Variants in GAS7 observed in about 807,000 individuals in gnomAD.
The protein encoded by GAS7 is growth arrest specific 7.
In GAS7, 28 loss-of-function variants were observed where a neutral mutation model predicts 71.1. The observed-to-expected ratio is 0.39, with a 90% confidence interval of 0.29 to 0.54. The LOEUF (loss-of-function observed/expected upper bound fraction) is 0.54, where lower values mean the gene tolerates loss of function less well. GAS7 is among the 20% of genes least tolerant of loss of function. The pLI is 0.62. For synonymous variants in GAS7, 258 were observed against 245.8 expected, an observed-to-expected ratio of 1.05 and a Z score of -0.46; for missense variants, 436 against 627.8, an observed-to-expected ratio of 0.69 and a Z score of 3.27.
intron 1 of GAS7, among the ~76,000 whole-genome samples, chr17:10,182,162 T>C (rs1186092086): frequency 6.6e-6 from 1 of 152,196 alleles, no homozygotes; most frequent in Non-Finnish European, 1.5e-5. Flanking sequence ...TTTTATTCCC[T>C]TACTTTTGGT....
At chr17:9,924,684 G>A (rs2067934549) in intron 11 of GAS7, 3 of 152,024 alleles carry the variant, frequency 2.0e-5, no homozygotes, top group South Asian at 4.1e-4. Context: ...TGAAATGTAA[G>A]GTGGCTGCTT....
At chr17:9,948,281 ATTGTTTGC>A (rs1031203478) in intron 5 of GAS7, among the ~76,000 whole-genome samples, 1 of 152,248 alleles carries the variant, frequency 6.6e-6, no homozygotes, top group African/African-American at 2.4e-5. Context: ...AACTGATAAC[ATTGTTTGC>A]TTCCAAGGAA....
Position 9,946,874 on chromosome 17 carries a change from GA to G in GAS7, c.615+19del. 6.4e-7 allele frequency: 1 copy of G among 1,557,246 alleles called. No homozygotes were observed. Among genetic ancestry groups the G allele is most frequent in the Non-Finnish European group, 8.9e-7 (1 of 1,129,178 alleles). On this transcript the variant is annotated intron_variant, in intron 6 of 13. Transcript: ENST00000432992. ...CGGTCACCGGGGTCACGCTGTGGGG[GA>G]AACTGAGGCGCTGCTTACCCAGAAG...
chr17:10,181,042 G>C (rs113450238), intron 1 of GAS7, among the ~76,000 whole-genome samples: 1 of 145,352 alleles, frequency 6.9e-6, no homozygotes, highest in Non-Finnish European at 1.5e-5. Context: ...TAAGGATGAG[G>C]GTGGCGGGGG....
At chr17:9,917,461 G>T in intron 13 of GAS7, 120 bp from the exon 14 acceptor site, 1 of 694,126 alleles carries the variant, frequency 1.4e-6, no homozygotes. Context: ...AGAGGGCTCC[G>T]GGGCCCCAGG....
At chr17:10,170,857 C>T (rs183098400) in intron 1 of GAS7, among the ~76,000 whole-genome samples, 113 of 152,330 alleles carry the variant, frequency 7.4e-4, no homozygotes, top group African/African-American at 2.5e-3. Flanking sequence ...TCTGTCACCT[C>T]GGAGGTGGTC....
chr17:10,039,209 T>C (rs1248125594), intron 1 of GAS7, among the ~76,000 whole-genome samples: 5 of 145,708 alleles, frequency 3.4e-5, no homozygotes, highest in Non-Finnish European at 5.9e-5. Context: ...TTTCATGTCA[T>C]GCATATTTTG....
At chr17:10,028,677 TG>T (rs1305959794) in intron 1 of GAS7, among the ~76,000 whole-genome samples, 5 of 150,280 alleles carry the variant, frequency 3.3e-5, no homozygotes, top group African/African-American at 1.2e-4. Flanking sequence ...CAAGGCAAGT[TG>T]GTTTGAAAAA....
intron 1 of GAS7, among the ~76,000 whole-genome samples, chr17:10,043,637 G>A (rs1008238228): frequency 2.0e-5 from 3 of 152,156 alleles, no homozygotes; most frequent in Non-Finnish European, 2.9e-5. Context: ...ATAAGGGGCC[G>A]GGCACAGTAG....
chr17:9,917,680 A>G (rs1001963299), intron 13 of GAS7, among the ~76,000 whole-genome samples: 2 of 152,244 alleles, frequency 1.3e-5, no homozygotes, highest in African/African-American at 4.8e-5. Flanking sequence ...GAATATTTCT[A>G]GAAGTTGTTT....
intron 5 of GAS7, among the ~76,000 whole-genome samples, chr17:9,947,613 G>T (rs1041087740): frequency 6.6e-6 from 1 of 151,974 alleles, no homozygotes; most frequent in Non-Finnish European, 1.5e-5. Flanking sequence ...GCGTAGTGGC[G>T]CATGCGTGTA....
rs1374902541 is a variant in GAS7 at position 9,974,625 on chromosome 17, A to G, written c.386-4863T>C. On this transcript the variant is annotated intron_variant, in intron 3 of 13. Coordinates refer to ENST00000432992, the MANE Select transcript of GAS7 (RefSeq NM_201433.2). This position sits in a 1 kb window ranked among gnomAD's most constrained non-coding sequence, Gnocchi z 4.0. ...GCAGCTTCAAATATAAATAATACAC[A>G]CAGGCACCCACACACTTCATTTCCC... Among the ~76,000 whole-genome samples the G allele has an allele frequency of 6.6e-6, 1 of 152,182 alleles. No homozygotes were observed. The highest frequency in any genetic ancestry group is 1.5e-5 in the Non-Finnish European group (1 of 68,034).
intron 3 of GAS7, among the ~76,000 whole-genome samples, chr17:9,977,721 A>G (rs2070260264): frequency 8.5e-6 from 1 of 118,162 alleles, no homozygotes; most frequent in Admixed American, 1.1e-4. Context: ...ACATTCAAAG[A>G]CTGGAGTCTA....
intron 1 of GAS7, among the ~76,000 whole-genome samples, chr17:10,176,913 C>A (rs1340947453): frequency 1.3e-5 from 2 of 152,226 alleles, no homozygotes; most frequent in Non-Finnish European, 2.9e-5. Context: ...GTTCTTAAGG[C>A]AAGCTCTCCC....
intron 1 of GAS7, among the ~76,000 whole-genome samples, chr17:10,102,959 G>A (rs16959324): frequency 0.063 from 9,657 of 152,124 alleles, 488 homozygotes; most frequent in African/African-American, 0.14. Context: ...TTCCCATTGA[G>A]GAAGGGCTGT....
intron 1 of GAS7, among the ~76,000 whole-genome samples, chr17:10,104,009 A>G (rs75865216): frequency 0.017 from 2,618 of 152,216 alleles, 65 homozygotes; most frequent in African/African-American, 0.058. Flanking sequence ...ATCAGCACAT[A>G]ATACCTACCT....
intron 1 of GAS7, among the ~76,000 whole-genome samples, chr17:10,094,453 A>ATTTCTT (rs908538442): frequency 6.6e-6 from 1 of 151,892 alleles, no homozygotes; most frequent in South Asian, 2.1e-4. Flanking sequence ...CTCTCTGGAT[A>ATTTCTT]TTTCTTTTTC....
At chr17:9,995,393 A>G (rs7207310) in intron 2 of GAS7, among the ~76,000 whole-genome samples, 17,099 of 152,154 alleles carry the variant, frequency 0.11, 1,542 homozygotes, top group African/African-American at 0.25. Context: ...AGACGAGGGA[A>G]AGACCAAGAA....
intron 3 of GAS7, among the ~76,000 whole-genome samples, chr17:9,971,870 G>A (rs3786095): frequency 6.6e-6 from 1 of 152,100 alleles, no homozygotes; most frequent in Non-Finnish European, 1.5e-5. Flanking sequence ...ACGAGGACTG[G>A]AGGCAAGCGT....
Sources: allele counts gnomAD v4.1 joint callset (sites outside exome capture counted in the v4.1 genomes callset), GRCh38; gene constraint gnomAD v4.1.1; non-coding constraint Gnocchi (gnomAD v3.1); transcripts MANE v1.5; gene names NCBI Gene and HGNC (gene_info 2026-07-23, HGNC 2026-07-21).